Variants in COL25A1 observed in about 807,000 individuals in gnomAD.
The protein encoded by COL25A1 is collagen alpha-1(XXV) chain.
COL25A1 carries 103 observed loss-of-function variants against 128.4 expected under a neutral mutation model. The ratio of observed to expected loss-of-function variants is 0.80; its 90% CI spans 0.68 to 0.94. The LOEUF is 0.94. COL25A1 is among the 40% of genes least tolerant of loss of function. The pLI, the probability that COL25A1 is intolerant of heterozygous loss-of-function variation, is 0.00. For missense variants in COL25A1, 745 were observed against 840.0 expected (o/e 0.89, Z 1.40); for synonymous variants, 279 against 277.2 (o/e 1.01, Z -0.06).
chr4:108,951,546 C>T (rs917449520), intron 8 of COL25A1, among the ~76,000 whole-genome samples: 18 of 151,864 alleles, frequency 1.2e-4, no homozygotes, highest in Admixed American at 8.5e-4. Flanking sequence ...CCACCACGCC[C>T]GGCAAATTTT....
chr4:108,977,491 T>A (rs767711254), intron 6 of COL25A1, among the ~76,000 whole-genome samples: 7 of 152,198 alleles, frequency 4.6e-5, no homozygotes, highest in Non-Finnish European at 1.0e-4. Context: ...AAATGCTTAC[T>A]AAGGTTATAC....
At chr4:108,827,786 G>A (rs1732561905) in intron 32 of COL25A1, among the ~76,000 whole-genome samples, 1 of 152,194 alleles carries the variant, frequency 6.6e-6, no homozygotes, top group Admixed American at 6.5e-5. Context: ...CTCCCAAAGT[G>A]TTGGGATTAC....
intron 10 of COL25A1, among the ~76,000 whole-genome samples, chr4:108,938,297 T>C (rs1023358442): frequency 1.3e-5 from 2 of 152,242 alleles, no homozygotes; most frequent in Admixed American, 1.3e-4. Flanking sequence ...CAGATTGATA[T>C]AGAATTATAT....
intron 3 of COL25A1, among the ~76,000 whole-genome samples, chr4:109,146,213 A>G (rs1770931266): frequency 1.3e-5 from 2 of 152,168 alleles, no homozygotes; most frequent in Admixed American, 6.5e-5. Context: ...AGTAACTGTT[A>G]AGTAAAAATG....
chr4:109,049,411 T>C (rs1760778270), intron 4 of COL25A1, among the ~76,000 whole-genome samples: 2 of 152,338 alleles, frequency 1.3e-5, no homozygotes, highest in Admixed American at 6.5e-5. Flanking sequence ...TACTTGACTT[T>C]TCTGTTTTAC....
intron 23 of COL25A1, among the ~76,000 whole-genome samples, chr4:108,860,193 C>G (rs559028035): frequency 8.5e-5 from 13 of 152,220 alleles, no homozygotes; most frequent in Non-Finnish European, 1.9e-4. Context: ...CTCACTGCAA[C>G]CTCTGCCTCC....
chr4:109,297,924 A>G (rs1440766098), intron 3 of COL25A1, among the ~76,000 whole-genome samples: 1 of 107,518 alleles, frequency 9.3e-6, no homozygotes, highest in Non-Finnish European at 1.7e-5. Context: ...AGGGAAGTTC[A>G]TTAGTTTGAC....
At chr4:109,090,379 T>C (rs1764788890) in intron 3 of COL25A1, among the ~76,000 whole-genome samples, 1 of 152,206 alleles carries the variant, frequency 6.6e-6, no homozygotes, top group South Asian at 2.1e-4. Flanking sequence ...ATTTTTTCAC[T>C]TTGGTAAATG....
intron 3 of COL25A1, among the ~76,000 whole-genome samples, chr4:109,165,021 G>GCAACAAAAACTGTTACCTC (rs1417676339): frequency 1.3e-5 from 2 of 152,052 alleles, no homozygotes; most frequent in Non-Finnish European, 2.9e-5. Context: ...CCAAATGTTT[G>GCAACAAAAACTGTTACCTC]CAACAAAAAC....
At chr4:109,049,440 A>C (rs1336820166) in intron 4 of COL25A1, among the ~76,000 whole-genome samples, 1 of 152,220 alleles carries the variant, frequency 6.6e-6, no homozygotes, top group Non-Finnish European at 1.5e-5. Flanking sequence ...TTTGTTTTAC[A>C]TATAGGGATT....
chr4:109,156,592 C>G (rs560006420), intron 3 of COL25A1, among the ~76,000 whole-genome samples: 1 of 152,172 alleles, frequency 6.6e-6, no homozygotes, highest in South Asian at 2.1e-4. Context: ...GCTACATCAA[C>G]TACAAAGCAA....
At chr4:109,131,903 CG>C (rs1769254006) in intron 3 of COL25A1, among the ~76,000 whole-genome samples, 1 of 152,136 alleles carries the variant, frequency 6.6e-6, no homozygotes, top group South Asian at 2.1e-4. Context: ...TAATGGATGT[CG>C]GGAGGCAGAG....
rs972030519 is a variant in COL25A1 at position 109,100,402 on chromosome 4, A to T, written c.368-50223T>A. ...AAGTACAAAAACTAGATAAAATATA[A>T]GCCCATTTTTGTGAGAAAAAAAAAA... is the stretch of plus-strand genomic sequence containing the variant. On this transcript the variant is annotated intron_variant, in intron 3 of 37. Coordinates refer to ENST00000399132, the MANE Select transcript of COL25A1 (RefSeq NM_198721.4). 3.4e-5 allele frequency among the ~76,000 whole-genome samples: 5 copies of T among 147,024 alleles called. No individual in the cohort carries two copies. The East Asian group carries it at 1.0e-3, about 31-fold the overall frequency.
intron 5 of COL25A1, among the ~76,000 whole-genome samples, chr4:109,037,829 T>C (rs1276692443): frequency 2.0e-5 from 3 of 152,198 alleles, no homozygotes; most frequent in South Asian, 4.1e-4. Context: ...AAATGACCTA[T>C]GTGAACGGGC....
chr4:109,048,357 A>C (rs2125938885), intron 4 of COL25A1, among the ~76,000 whole-genome samples, 182 bp from the exon 5 acceptor site: 1 of 152,338 alleles, frequency 6.6e-6, no homozygotes, highest in Non-Finnish European at 1.5e-5. Context: ...CCATTTCAAA[A>C]AAATTTATAA....
intron 3 of COL25A1, among the ~76,000 whole-genome samples, chr4:109,251,473 T>A (rs569680638): frequency 6.6e-6 from 1 of 152,172 alleles, no homozygotes. Flanking sequence ...AGATCCCCTA[T>A]ATGCCATACA....
chr4:108,948,832 C>T (rs901846587), intron 8 of COL25A1, among the ~76,000 whole-genome samples: 3 of 152,136 alleles, frequency 2.0e-5, no homozygotes, highest in African/African-American at 7.2e-5. Context: ...GTGAAGACAG[C>T]CTGCAAAAGA....
chr4:109,022,546 C>T (rs911981262), intron 5 of COL25A1, among the ~76,000 whole-genome samples: 1 of 152,174 alleles, frequency 6.6e-6, no homozygotes, highest in Non-Finnish European at 1.5e-5. Flanking sequence ...TCAAAGAGTA[C>T]ACCAATGATC....
intron 6 of COL25A1, among the ~76,000 whole-genome samples, chr4:109,007,951 T>C (rs1380175386): frequency 6.6e-6 from 1 of 152,230 alleles, no homozygotes; most frequent in Non-Finnish European, 1.5e-5. Flanking sequence ...TATGACTGTG[T>C]TTCTTTTTAC....
Sources: gnomAD v4.1 joint callset for allele counts (sites outside exome capture counted in the v4.1 genomes callset) on GRCh38, gnomAD v4.1.1 for gene constraint, MANE v1.5 for transcripts, NCBI Gene and HGNC (gene_info 2026-07-23, HGNC 2026-07-21) for gene names.